Variants in PYROXD2 observed in about 807,000 individuals in gnomAD.
PYROXD2 encodes pyridine nucleotide-disulfide oxidoreductase domain-containing protein 2.
Under a neutral mutation model 71.1 loss-of-function variants are expected in PYROXD2, and 69 were observed. The ratio of observed to expected loss-of-function variants is 0.97; its 90% confidence interval spans 0.80 to 1.19. The LOEUF is 1.19. PYROXD2 is among the 50% of genes most tolerant of loss of function. The probability of loss-of-function intolerance (pLI) is 0.00; values close to 1 mark genes in which losing one functional copy is unlikely to be tolerated. For missense variants in PYROXD2, 745 were observed against 748.9 expected (o/e 0.99, Z 0.06); for synonymous variants, 287 against 302.7 (o/e 0.95, Z 0.54).
chr10:98,405,722 C>T (rs186965884), intron 4 of PYROXD2, among the ~76,000 whole-genome samples: 155 of 152,312 alleles, frequency 1.0e-3, no homozygotes, highest in African/African-American at 3.6e-3. Flanking sequence ...TCTATCACCA[C>T]GTTCACCGCA....
Position 98,410,592 on chromosome 10 carries a change from G to T in PYROXD2, c.147+347C>A, listed in dbSNP as rs575590144. 3.8e-5 allele frequency: 12 copies of T among 319,356 alleles called. No individual in the cohort carries two copies. The South Asian group carries it at 8.2e-4, about 22-fold the overall frequency. 19.8% of individuals were successfully genotyped at this position (319,356 alleles called of 1,614,324 possible). On this transcript the variant is annotated intron_variant, in intron 2 of 15. Transcript: ENST00000370575. Reference sequence around the variant, plus strand: ...CAAGGGCCCCCACCCCGCCCCAGGTGCCCAATCCCCTGGTTCCCACCTGCT... The same window carrying T: ...CAAGGGCCCCCACCCCGCCCCAGGTTCCCAATCCCCTGGTTCCCACCTGCT...
intron 6 of PYROXD2, among the ~76,000 whole-genome samples, chr10:98,396,647 C>A (rs1843194971): frequency 6.6e-6 from 1 of 152,162 alleles, no homozygotes; most frequent in African/African-American, 2.4e-5. Context: ...GGGGGCAGCT[C>A]TTCAAATCTC....
chr10:98,387,995 T>C lies in PYROXD2; in HGVS notation c.1447+359A>G. 7.5e-6 allele frequency: 2 copies of C among 266,742 alleles called. 1 individual carries two copies. Among genetic ancestry groups the C allele is most frequent in the South Asian group, 7.6e-5 (2 of 26,318 alleles). The allele number at this position is 266,742 out of a possible 1,614,324, so 16.5% of individuals were successfully genotyped here. Reference sequence around the variant, plus strand: ...CTGCCTGGCCAGCTCCTAGTCATCCTTGGAAACCCAGCTTGACCATCCCTT... The same window carrying C: ...CTGCCTGGCCAGCTCCTAGTCATCCCTGGAAACCCAGCTTGACCATCCCTT... On this transcript the variant is annotated intron_variant, in intron 13 of 15. Coordinates refer to ENST00000370575, the MANE Select transcript of PYROXD2 (RefSeq NM_032709.3).
rs766761349 is a variant in PYROXD2, at chr10:98,393,022, C to A, written c.847G>T (p.Val283Phe). The change falls in exon 9 of 16, where the codon GTC (valine) becomes TTC (phenylalanine). Residue 283 changes from valine to phenylalanine, a missense_variant. Val to Phe is a conservative substitution (Grantham distance 50). Coordinates refer to ENST00000370575, the MANE Select transcript of PYROXD2 (RefSeq NM_032709.3). The part of the protein sequence containing the change: ...LEGMQGAWGY[V>F]QGGMGALSDA... Reference sequence around the variant, plus strand: ...GAGAGGGCACCCATGCCCCCCTGGACGTAGCCCCAGGCCCCCTGCATTCCC... The same window carrying A: ...GAGAGGGCACCCATGCCCCCCTGGAAGTAGCCCCAGGCCCCCTGCATTCCC... The A allele has an allele frequency of 6.2e-7, 1 of 1,611,048 alleles. No individual in the cohort carries two copies. The highest frequency in any genetic ancestry group is 1.1e-5 in the South Asian group (1 of 90,942).
intron 14 of PYROXD2, among the ~76,000 whole-genome samples, chr10:98,386,413 T>A (rs1444852850): frequency 1.3e-5 from 2 of 152,170 alleles, no homozygotes; most frequent in Non-Finnish European, 2.9e-5. Context: ...TTTAGCCCAA[T>A]ATATCCAAAA....
intron 2 of PYROXD2, among the ~76,000 whole-genome samples, chr10:98,408,215 C>T (rs1843676946): frequency 6.6e-6 from 1 of 152,216 alleles, no homozygotes; most frequent in South Asian, 2.1e-4. Context: ...TAAGATCCGA[C>T]AGGCCTGCTC....
At chr10:98,413,728 TAAATA>T (rs1349590314) in intron 1 of PYROXD2, among the ~76,000 whole-genome samples, 1 of 152,042 alleles carries the variant, frequency 6.6e-6, no homozygotes, top group Non-Finnish European at 1.5e-5. Context: ...AATGAATAAA[TAAATA>T]AAATAAAAAT....
At chr10:98,404,372 G>A (rs531005496) in intron 4 of PYROXD2, among the ~76,000 whole-genome samples, 2 of 152,214 alleles carry the variant, frequency 1.3e-5, no homozygotes, top group East Asian at 3.9e-4. Context: ...ACTCCAGCTC[G>A]GGAGCCTGAT....
In PYROXD2 at chr10:98,407,674, A is replaced by C. The variant is rs1843647423; in HGVS notation, c.242-19T>G. The stretch of plus-strand genomic sequence containing the variant: ...TTAAACCCTGAAACCGAATCCGATG[A>C]AGACTGTCACCAGGGGTCACCAGGG... On this transcript the variant is annotated intron_variant, in intron 3 of 15. Transcript: ENST00000370575. 6.2e-7 allele frequency: 1 copy of C among 1,613,302 alleles called. No individual in the cohort carries two copies. The highest frequency in any genetic ancestry group is 8.5e-7 in the Non-Finnish European group (1 of 1,179,930).
rs138501760 is a variant in PYROXD2, at chr10:98,407,610, G to A, written c.287C>T (p.Pro96Leu). 5.4e-4 allele frequency: 876 copies of A among 1,613,546 alleles called. 10 individuals carry two copies. The highest frequency in any genetic ancestry group is 1.2e-3 in the East Asian group (53 of 44,860). Residue 96 changes from proline to leucine, a missense_variant, in exon 4 of 16, where the codon CCG becomes CTG. Transcript: ENST00000370575. ...RASYLLSLLR[P>L]QIYTDLELKK... Reference sequence around the variant, plus strand: ...CAGCTCCAGATCAGTGTAAATCTGCGGCCTCAGCAGGCTGAGCAGGTAGGA... The same window carrying A: ...CAGCTCCAGATCAGTGTAAATCTGCAGCCTCAGCAGGCTGAGCAGGTAGGA...
intron 15 of PYROXD2, among the ~76,000 whole-genome samples, chr10:98,384,516 C>A (rs1158880570): frequency 1.3e-5 from 2 of 152,184 alleles, no homozygotes; most frequent in African/African-American, 4.8e-5. Context: ...ACTCCAGAGG[C>A]CGAGGCAGGA....
At chr10:98,407,393 A>G (rs1283516105) in intron 4 of PYROXD2, among the ~76,000 whole-genome samples, 189 bp downstream of exon 4, 1 of 152,188 alleles carries the variant, frequency 6.6e-6, no homozygotes, top group African/African-American at 2.4e-5. Context: ...AAGACACTAC[A>G]TGGACGAGAC....
chr10:98,395,632 C>A (rs1843144356), intron 6 of PYROXD2, among the ~76,000 whole-genome samples, 180 bp from the exon 7 acceptor site: 1 of 152,112 alleles, frequency 6.6e-6, no homozygotes, highest in Non-Finnish European at 1.5e-5. Flanking sequence ...AGCTGCAGTG[C>A]CTGGGACACA....
Position 98,387,886 on chromosome 10 carries a change from G to A in PYROXD2, c.1447+468C>T, listed in dbSNP as rs1376083427. ...TGACCTCGGGTGATCCGCCTGCCTC[G>A]GCCTCCCGAAGTGCTGGAATTACAG... On this transcript the variant is annotated intron_variant, in intron 13 of 15. Transcript: ENST00000370575. The A allele has an allele frequency of 3.3e-5, 6 of 183,236 alleles. No individual in the cohort carries two copies. The South Asian group carries it at 5.2e-4, about 16-fold the overall frequency. 11.4% of individuals were successfully genotyped at this position (183,236 alleles called of 1,614,324 possible). A position where few individuals can be genotyped will look rare whatever the true frequency, so the allele number is the denominator to read the frequency against.
chr10:98,414,914 G>A, intron 1 of PYROXD2, 95 bp downstream of exon 1: 1 of 1,526,388 alleles, frequency 6.6e-7, no homozygotes, highest in Non-Finnish European at 8.9e-7. Context: ...GGAGAGAGCA[G>A]TGGGGCTTGG....
At chr10:98,406,983 G>C (rs1291450475) in intron 4 of PYROXD2, among the ~76,000 whole-genome samples, 1 of 151,402 alleles carries the variant, frequency 6.6e-6, no homozygotes, top group Non-Finnish European at 1.5e-5. Context: ...GAGTGACAGT[G>C]GCACTAAGCA....
intron 10 of PYROXD2, 65 bp downstream of exon 10, chr10:98,392,367 C>A: frequency 6.3e-7 from 1 of 1,578,382 alleles, no homozygotes. Context: ...CTCCCTCAAT[C>A]CCCACGATTT....
chr10:98,393,539 C>A (rs1843027823), intron 8 of PYROXD2, among the ~76,000 whole-genome samples: 1 of 152,160 alleles, frequency 6.6e-6, no homozygotes, highest in African/African-American at 2.4e-5. Context: ...TTGACCGCTA[C>A]CATCCTTCCC....
At chr10:98,384,040 C>T (rs1454675613) in intron 15 of PYROXD2, among the ~76,000 whole-genome samples, 172 bp from the exon 16 acceptor site, 6 of 152,168 alleles carry the variant, frequency 3.9e-5, no homozygotes. Context: ...TTCTGGCTCC[C>T]TCCAGGCTTC....
Sources: gnomAD v4.1 joint callset for allele counts (sites outside exome capture counted in the v4.1 genomes callset) on GRCh38, gnomAD v4.1.1 for gene constraint, MANE v1.5 for transcripts, NCBI Gene and HGNC (gene_info 2026-07-23, HGNC 2026-07-21) for gene names.